Variants in VAV2 observed in about 807,000 individuals in gnomAD.
VAV2 encodes guanine nucleotide exchange factor VAV2.
VAV2 carries 67 observed loss-of-function variants against 132.5 expected under a neutral mutation model. The observed-to-expected ratio is 0.51, with a 90% CI of 0.42 to 0.62. The LOEUF is 0.62. Among genes scored for constraint, VAV2 ranks in the 20% least tolerant of loss-of-function variants. The pLI, the probability that VAV2 is intolerant of heterozygous loss-of-function variation, is 0.00. For synonymous variants in VAV2, 492 were observed against 443.5 expected, an observed-to-expected ratio of 1.11 and a Z score of -1.37; for missense variants, 938 against 1,153.6, an observed-to-expected ratio of 0.81 and a Z score of 2.71.
intron 3 of VAV2, among the ~76,000 whole-genome samples, chr9:133,855,271 G>T (rs1029712302): frequency 2.6e-5 from 4 of 152,360 alleles, no homozygotes; most frequent in South Asian, 2.1e-4. Flanking sequence ...GTTCACGGAG[G>T]TGTGGGAACT....
At chr9:133,793,271 C>T (rs1834569830) in intron 12 of VAV2, among the ~76,000 whole-genome samples, 1 of 151,800 alleles carries the variant, frequency 6.6e-6, no homozygotes, top group Admixed American at 6.5e-5. Context: ...CTGGCCCTGC[C>T]CCCCGAGAGC....
At chr9:133,987,081 G>A (rs907620114) in intron 1 of VAV2, among the ~76,000 whole-genome samples, 5 of 151,758 alleles carry the variant, frequency 3.3e-5, no homozygotes, top group Non-Finnish European at 7.4e-5. Context: ...AAGGTTCTGA[G>A]GGACCCAGAG....
chr9:133,964,468 GCT>G (rs1245876033), intron 1 of VAV2, among the ~76,000 whole-genome samples: 3 of 151,922 alleles, frequency 2.0e-5, no homozygotes, highest in Non-Finnish European at 2.9e-5. Context: ...GCATGCGTAT[GCT>G]TTTTATAATG....
chr9:133,909,562 G>A (rs1030824207), intron 2 of VAV2, among the ~76,000 whole-genome samples: 5 of 152,160 alleles, frequency 3.3e-5, no homozygotes, highest in African/African-American at 4.8e-5. Context: ...GCAGGTTCGC[G>A]AGGATGGAAG....
At position 133,796,465 on chromosome 9, in the gene VAV2, G is replaced by A. The variant is rs1834717858; in HGVS notation, c.996C>T (p.Pro332=). The A allele has an allele frequency of 6.2e-7, 1 of 1,613,832 alleles. No individual in the cohort carries two copies. The highest frequency in any genetic ancestry group is 8.5e-7 in the Non-Finnish European group (1 of 1,179,954). Residue 332 remains proline, a synonymous_variant, in exon 11 of 30, where the codon CCC becomes CCT. Transcript: ENST00000371850. ...GGTGGTATTTGAGCACCCTCTGCAT[G>A]GGGACCACCAGCAGGTCTTGCAGCT... ...KFKLQDLLVV[P]MQRVLKYHLL... is the part of the protein sequence containing the mutation.
In VAV2 at chr9:133,796,500, C is replaced by T; in HGVS notation, c.961G>A (p.Gly321Arg). ...VEECTLKVQD[G>R]KFKLQDLLVV... ...AGCAGGTCTTGCAGCTTAAATTTTCCATCCTGGACCTTCAGTGTGCACTCC... is the reference window on the plus strand; with the variant it reads ...AGCAGGTCTTGCAGCTTAAATTTTCTATCCTGGACCTTCAGTGTGCACTCC... The change falls in exon 11 of 30, where the codon GGA becomes AGA. Residue 321 changes from glycine to arginine, a missense_variant. Gly to Arg is a moderately radical substitution (Grantham distance 125). Coordinates refer to ENST00000371850, the MANE Select transcript of VAV2 (RefSeq NM_001134398.2). The T allele has an allele frequency of 6.2e-7, 1 of 1,613,716 alleles. No individual in the cohort carries two copies. The highest frequency in any genetic ancestry group is 8.5e-7 in the Non-Finnish European group (1 of 1,179,900).
At chr9:133,949,655 C>T (rs947143518) in intron 1 of VAV2, among the ~76,000 whole-genome samples, 2 of 152,204 alleles carry the variant, frequency 1.3e-5, no homozygotes, top group Admixed American at 6.5e-5. Context: ...TGCCAGAAGA[C>T]TCAGAGGGCC....
chr9:133,893,144 A>G (rs138471159), intron 2 of VAV2, among the ~76,000 whole-genome samples: 21 of 152,294 alleles, frequency 1.4e-4, no homozygotes, highest in African/African-American at 5.1e-4. Context: ...AGACAGCCTG[A>G]GTCCCACCTC....
At position 133,778,763 on chromosome 9, in the gene VAV2, T is replaced by C; in HGVS notation, c.1889A>G (p.Glu630Gly). 1 of 1,612,412 alleles carries C rather than the reference T, an allele frequency of 6.2e-7. No homozygotes were observed. Among genetic ancestry groups the C allele is most frequent in the Non-Finnish European group, 8.5e-7 (1 of 1,179,914 alleles). ...ACCCTCCCGGGCCCCAGGACCCACC[T>C]CCCACCACGGAGACTCAGGGTCGCC... is the stretch of plus-strand genomic sequence containing the variant. ...LRGDPESPWW[E>G]GRLVQTRKSG... The change falls in exon 22 of 30, where the codon GAG becomes GGG. Residue 630 changes from glutamate to glycine, a missense_variant and splice_region_variant. Physicochemically the swap from Glu to Gly is moderately conservative, Grantham distance 98 (BLOSUM62 -2). Transcript: ENST00000371850.
chr9:133,780,021 C>G, intron 20 of VAV2, 82 bp from the exon 21 acceptor site: 1 of 1,576,544 alleles, frequency 6.3e-7, no homozygotes, highest in Non-Finnish European at 8.7e-7. Context: ...CCCCGCCCTC[C>G]CTGTCCCCAC....
At chr9:133,954,171 GA>G (rs1018299479) in intron 1 of VAV2, among the ~76,000 whole-genome samples, 1 of 152,202 alleles carries the variant, frequency 6.6e-6, no homozygotes, top group African/African-American at 2.4e-5. Context: ...ATTTCGAGAA[GA>G]AAGAGTCAAT....
At chr9:133,881,447 G>A (rs1838493090) in intron 2 of VAV2, among the ~76,000 whole-genome samples, 1 of 152,224 alleles carries the variant, frequency 6.6e-6, no homozygotes. Flanking sequence ...CCTGCATGAA[G>A]GCTGCAAAGG....
intron 2 of VAV2, among the ~76,000 whole-genome samples, chr9:133,887,253 C>T (rs1378865762): frequency 6.6e-6 from 1 of 152,174 alleles, no homozygotes; most frequent in Non-Finnish European, 1.5e-5. Context: ...AAAACCACCC[C>T]AGGATGGGGG....
At chr9:133,960,374 C>T (rs1178013033) in intron 1 of VAV2, among the ~76,000 whole-genome samples, 1 of 151,748 alleles carries the variant, frequency 6.6e-6, no homozygotes, top group Non-Finnish European at 1.5e-5. Context: ...CTGGCAAGGT[C>T]TCCACACTGG....
intron 2 of VAV2, among the ~76,000 whole-genome samples, chr9:133,903,475 T>C (rs2132019420): frequency 6.6e-6 from 1 of 152,022 alleles, no homozygotes; most frequent in African/African-American, 2.4e-5. Flanking sequence ...GAAACAACAA[T>C]CCCGGGAGAT....
intron 2 of VAV2, among the ~76,000 whole-genome samples, chr9:133,882,900 G>A (rs1255302308): frequency 6.6e-6 from 1 of 152,186 alleles, no homozygotes; most frequent in Admixed American, 6.5e-5. Context: ...AGGCCCAGGA[G>A]GACAAGAGGG....
intron 3 of VAV2, among the ~76,000 whole-genome samples, chr9:133,845,270 G>A (rs1452890289): frequency 1.4e-4 from 22 of 152,256 alleles, no homozygotes; most frequent in Admixed American, 1.3e-3. Flanking sequence ...TGGATGGCAG[G>A]GGCTCTGGTC....
At position 133,879,006 on chromosome 9, in the gene VAV2, G is replaced by A. The variant is rs1319472130; in HGVS notation, c.322-17574C>T. Among the ~76,000 whole-genome samples the A allele has an allele frequency of 6.6e-6, 1 of 152,176 alleles. No homozygotes were observed. Among genetic ancestry groups the A allele is most frequent in the Non-Finnish European group, 1.5e-5 (1 of 68,016 alleles). The stretch of plus-strand genomic sequence containing the variant: ...TGGAGCAGGAGCATGGTGGGGCAGG[G>A]GCAGGGAGGTGTCTCCTCAGGATCC... On this transcript the variant is annotated intron_variant, in intron 2 of 29. Transcript: ENST00000371850. The surrounding 1 kb of genome is among the most constrained non-coding windows in gnomAD (Gnocchi z 4.4).
At chr9:133,978,145 G>A (rs550971286) in intron 1 of VAV2, among the ~76,000 whole-genome samples, 1 of 152,314 alleles carries the variant, frequency 6.6e-6, no homozygotes, top group East Asian at 1.9e-4. Flanking sequence ...GGACAGGCAG[G>A]GCTGGGCAGG....
Sources: allele counts gnomAD v4.1 joint callset (sites outside exome capture counted in the v4.1 genomes callset), GRCh38; gene constraint gnomAD v4.1.1; non-coding constraint Gnocchi (gnomAD v3.1); transcripts MANE v1.5; gene names NCBI Gene and HGNC (gene_info 2026-07-23, HGNC 2026-07-21).